Variants in ACOX3 observed in about 807,000 individuals in gnomAD.
ACOX3 encodes peroxisomal acyl-coenzyme A oxidase 3.
ACOX3 carries 73 observed loss-of-function variants against 81.5 expected under a neutral mutation model. The ratio of observed to expected loss-of-function variants is 0.90; its 90% CI spans 0.74 to 1.09. The LOEUF is 1.09. Ranked by LOEUF, ACOX3 falls within the 50% of genes least tolerant of loss-of-function variation. The pLI, the probability that ACOX3 is intolerant of heterozygous loss-of-function variation, is 0.00. For missense variants in ACOX3, 947 were observed against 928.0 expected, an observed-to-expected ratio of 1.02 and a Z score of -0.27; for synonymous variants, 387 against 375.1, an observed-to-expected ratio of 1.03 and a Z score of -0.37.
downstream of ACOX3, among the ~76,000 whole-genome samples, chr4:8,364,755 G>A (rs569965300): frequency 2.0e-5 from 3 of 152,354 alleles, no homozygotes; most frequent in South Asian, 4.1e-4. The surrounding 1 kb of genome is among the most constrained non-coding windows in gnomAD (Gnocchi z 5.0). Flanking sequence ...CCTGCTGGTA[G>A]AAAAACAGGT....
chr4:8,378,999 G>A (rs2108815008), intron 14 of ACOX3, among the ~76,000 whole-genome samples: 1 of 152,314 alleles, frequency 6.6e-6, no homozygotes, highest in East Asian at 1.9e-4. Context: ...GTCAGTGGCT[G>A]CTGGGGCTGG....
chr4:8,409,889 C>A (rs574987335), intron 6 of ACOX3, among the ~76,000 whole-genome samples: 2 of 139,016 alleles, frequency 1.4e-5, no homozygotes, highest in Non-Finnish European at 3.1e-5. Context: ...ACACTGTGGG[C>A]GGGGCTGTAG....
chr4:8,413,107 T>C (rs1721923415), intron 5 of ACOX3, among the ~76,000 whole-genome samples: 1 of 126,418 alleles, frequency 7.9e-6, no homozygotes, highest in Admixed American at 8.4e-5. Context: ...GGCATCCATC[T>C]GTGGCCCATC....
At chr4:8,367,424 A>G (rs1161130446) in intron 17 of ACOX3, among the ~76,000 whole-genome samples, 1 of 152,160 alleles carries the variant, frequency 6.6e-6, no homozygotes, top group Non-Finnish European at 1.5e-5. Flanking sequence ...TAGAGGTTTC[A>G]GTGAGCCGAG....
At chr4:8,369,681 C>G (rs191531352) in intron 17 of ACOX3, among the ~76,000 whole-genome samples, 1 of 152,362 alleles carries the variant, frequency 6.6e-6, no homozygotes, top group East Asian at 1.9e-4. Context: ...AGGCGCTGGG[C>G]CCTCCCTGGC....
intron 14 of ACOX3, 84 bp from the exon 15 acceptor site, chr4:8,375,236 G>C: frequency 1.5e-6 from 2 of 1,365,884 alleles, no homozygotes; most frequent in South Asian, 1.4e-5. Context: ...CAGGAAACAC[G>C]AACGCGGGTC....
Position 8,415,988 on chromosome 4 carries a change from G to T in ACOX3, c.156C>A (p.Phe52Leu). Residue 52 changes from phenylalanine (F) to leucine (L), a missense_variant, in exon 3 of 18, where the codon TTC becomes TTA. By Grantham distance (22) the Phe-to-Leu change is conservative. Coordinates refer to ENST00000356406, the MANE Select transcript of ACOX3 (RefSeq NM_003501.3). ...AAAGAGGGTCATTCTCAAGAGCTGA[G>T]AAGATGGTTTTCTGGAAATGCAGGA... ...EGMLRFKKTI[F>L]SALENDPLFA... 3 of 1,614,090 alleles carry T rather than the reference G, an allele frequency of 1.9e-6. No homozygotes were observed. The highest frequency in any genetic ancestry group is 1.7e-6 in the Non-Finnish European group (2 of 1,179,970).
At chr4:8,427,949 G>A (rs1303391959) in intron 1 of ACOX3, among the ~76,000 whole-genome samples, 1 of 152,208 alleles carries the variant, frequency 6.6e-6, no homozygotes, top group Non-Finnish European at 1.5e-5. Flanking sequence ...TCCAAATACA[G>A]TGACGCCTGC....
chr4:8,390,120 A>AAC (rs1281705363), intron 11 of ACOX3, among the ~76,000 whole-genome samples: 2 of 151,168 alleles, frequency 1.3e-5, no homozygotes, highest in African/African-American at 4.9e-5. Context: ...ACAACAACAA[A>AAC]AAAAGCCATG....
At chr4:8,409,427 ACCCTGGAAG>A (rs1721427192) in intron 6 of ACOX3, among the ~76,000 whole-genome samples, 1 of 136,928 alleles carries the variant, frequency 7.3e-6, no homozygotes, top group Non-Finnish European at 1.6e-5. Context: ...CTGCCTATGC[ACCCTGGAAG>A]GGGCTGTGGG....
At chr4:8,422,597 C>T (rs1723063358) in intron 1 of ACOX3, among the ~76,000 whole-genome samples, 1 of 152,212 alleles carries the variant, frequency 6.6e-6, no homozygotes, top group African/African-American at 2.4e-5. Context: ...ATGCACCTCC[C>T]TTTAATTTAC....
At chr4:8,421,333 TG>T (rs1214325791) in intron 1 of ACOX3, among the ~76,000 whole-genome samples, 2 of 152,226 alleles carry the variant, frequency 1.3e-5, no homozygotes, top group African/African-American at 2.4e-5. Flanking sequence ...CCAACCCTTT[TG>T]GGTTGGGAGC....
chr4:8,423,673 A>G lies in ACOX3; in HGVS notation c.-14-7138T>C, dbSNP rs1202119742. Among the ~76,000 whole-genome samples, 1 of 151,824 alleles carries G rather than the reference A, an allele frequency of 6.6e-6. No homozygotes were observed. The highest frequency in any genetic ancestry group is 2.4e-5 in the African/African-American group (1 of 41,318). ...CCCAGCTGTACCTAATCTTATACTC[A>G]CTCTGCTTTCCCAAATACCAGAGGA... On this transcript the variant is annotated intron_variant, in intron 1 of 17. Transcript: ENST00000356406. The surrounding 1 kb of genome is among the most constrained non-coding windows in gnomAD (Gnocchi z 4.2).
rs999047369 is a variant in ACOX3 at position 8,407,936 on chromosome 4, G to A, written c.688-1893C>T. Among the ~76,000 whole-genome samples, 4 of 152,188 alleles carry A rather than the reference G, an allele frequency of 2.6e-5. No homozygotes were observed. Among genetic ancestry groups the A allele is most frequent in the African/African-American group, 9.6e-5 (4 of 41,456 alleles). On this transcript the variant is annotated intron_variant, in intron 6 of 17. Transcript: ENST00000356406. The surrounding 1 kb of genome is among the most constrained non-coding windows in gnomAD (Gnocchi z 4.6). ...GGTTGTGTTAACTGCAGGAAGCTATGGCACAGAATGGCCAGACGCCAGAAG... is the reference window on the plus strand; with the variant it reads ...GGTTGTGTTAACTGCAGGAAGCTATAGCACAGAATGGCCAGACGCCAGAAG...
At chr4:8,425,828 A>C (rs775422390) in intron 1 of ACOX3, among the ~76,000 whole-genome samples, 7 of 152,080 alleles carry the variant, frequency 4.6e-5, no homozygotes, top group Admixed American at 1.3e-4. Context: ...TTACAGAGTG[A>C]CAATGGCCCC....
chr4:8,370,301 TG>T lies in ACOX3; in HGVS notation c.1983+606del, dbSNP rs1377988446. On this transcript the variant is annotated intron_variant, in intron 17 of 17. Coordinates refer to ENST00000356406, the MANE Select transcript of ACOX3 (RefSeq NM_003501.3). This position sits in a 1 kb window ranked among gnomAD's most constrained non-coding sequence, Gnocchi z 6.3. ...GAAGGATTCAGTGGCTGTGTGGGGC[TG>T]GGGCGTGGCAGGCAGTCGAGGAGGC... Among the ~76,000 whole-genome samples the T allele has an allele frequency of 1.3e-5, 2 of 151,846 alleles. No individual in the cohort carries two copies. Among genetic ancestry groups the T allele is most frequent in the African/African-American group, 4.8e-5 (2 of 41,376 alleles).
chr4:8,429,224 G>C (rs920254988), intron 1 of ACOX3, among the ~76,000 whole-genome samples: 6 of 152,182 alleles, frequency 3.9e-5, no homozygotes, highest in African/African-American at 1.4e-4. Context: ...TCTTTGAGAC[G>C]AATTAAGAGT....
Position 8,406,625 on chromosome 4 carries a change from A to G in ACOX3, c.688-582T>C, listed in dbSNP as rs771850134. Among the ~76,000 whole-genome samples the G allele has an allele frequency of 6.6e-5, 10 of 152,334 alleles. No homozygotes were observed. The highest frequency in any genetic ancestry group is 3.9e-4 in the Admixed American group (6 of 15,298). ...GGATAAGGAGAGTGAGCCATCTCCA[A>G]TGATAGGTAAGACCACATGGGTCAC... On this transcript the variant is annotated intron_variant, in intron 6 of 17. Transcript: ENST00000356406. This position sits in a 1 kb window ranked among gnomAD's most constrained non-coding sequence, Gnocchi z 5.6.
chr4:8,396,864 G>A (rs950412810), intron 9 of ACOX3, 73 bp downstream of exon 9: 17 of 1,537,616 alleles, frequency 1.1e-5, no homozygotes, highest in African/African-American at 9.7e-5. Flanking sequence ...GTAACCAAAC[G>A]GCAACTATGT....
Sources: allele counts gnomAD v4.1 joint callset (sites outside exome capture counted in the v4.1 genomes callset), GRCh38; gene constraint gnomAD v4.1.1; non-coding constraint Gnocchi (gnomAD v3.1); transcripts MANE v1.5; gene names NCBI Gene and HGNC (gene_info 2026-07-23, HGNC 2026-07-21).